EPB41L2: variants seen among roughly 807,000 people sequenced by gnomAD.
EPB41L2 encodes the protein erythrocyte membrane protein band 4.1 like 2, also known as band 4.1-like protein 2.
Under a neutral mutation model 113.0 loss-of-function variants are expected in EPB41L2, and 43 were observed. The ratio of observed to expected loss-of-function variants is 0.38; its 90% CI spans 0.30 to 0.49. The LOEUF (loss-of-function observed/expected upper bound fraction) is 0.49, where lower values mean the gene tolerates loss of function less well. Ranked by LOEUF, EPB41L2 falls within the 20% of genes least tolerant of loss-of-function variation. The pLI is 0.95. For missense variants in EPB41L2, 1,147 were observed against 1,223.4 expected, an observed-to-expected ratio of 0.94 and a Z score of 0.93; for synonymous variants, 442 against 436.7, an observed-to-expected ratio of 1.01 and a Z score of -0.15.
intron 3 of EPB41L2, among the ~76,000 whole-genome samples, chr6:130,928,192 G>A (rs140940368): frequency 1.0e-3 from 156 of 152,248 alleles, no homozygotes; most frequent in Non-Finnish European, 1.7e-3. Flanking sequence ...TTAAATTACT[G>A]AGCATGTTTA....
intron 1 of EPB41L2, among the ~76,000 whole-genome samples, chr6:131,035,592 T>C (rs1793133782): frequency 6.6e-6 from 1 of 152,230 alleles, no homozygotes; most frequent in African/African-American, 2.4e-5. Context: ...GACCTATTTA[T>C]TGTTATCCAG....
At chr6:130,968,691 A>T (rs1775960455) in intron 1 of EPB41L2, among the ~76,000 whole-genome samples, 1 of 151,780 alleles carries the variant, frequency 6.6e-6, no homozygotes, top group Non-Finnish European at 1.5e-5. Flanking sequence ...CTGTAACTAC[A>T]ATGGAATTAC....
intron 1 of EPB41L2, among the ~76,000 whole-genome samples, chr6:130,998,970 C>A (rs891568293): frequency 3.3e-5 from 5 of 152,148 alleles, no homozygotes; most frequent in African/African-American, 1.2e-4. Flanking sequence ...AGCCTTTCTA[C>A]TCAGTTCTGC....
chr6:130,973,241 T>C (rs1035431449), intron 1 of EPB41L2, among the ~76,000 whole-genome samples: 2 of 150,722 alleles, frequency 1.3e-5, no homozygotes, highest in African/African-American at 4.9e-5. Flanking sequence ...TGAAGAGATA[T>C]TCATCTTTGT....
rs2128496854 is a variant in EPB41L2 at position 130,901,144 on chromosome 6, G to A, written c.966C>T (p.Ala322=). The A allele has an allele frequency of 6.2e-7, 1 of 1,613,992 alleles. No individual in the cohort carries two copies. Among genetic ancestry groups the A allele is most frequent in the Non-Finnish European group, 8.5e-7 (1 of 1,179,996 alleles). The change falls in exon 7 of 20, where the codon GCC becomes GCT. Residue 322 remains alanine, a synonymous_variant. Transcript: ENST00000337057. ...CAAAAGAGCAGGGCAGGCGGCCAGA[G>A]GCAATGTCCTGCCGGAGCTGAAGGC... is the stretch of plus-strand genomic sequence containing the variant. The part of the protein sequence containing the change: ...FLCLQLRQDI[A]SGRLPCSFVT...
chr6:131,043,068 G>A (rs970593690), intron 1 of EPB41L2, among the ~76,000 whole-genome samples: 1 of 152,168 alleles, frequency 6.6e-6, no homozygotes. Context: ...AGAGGCCGAG[G>A]CAGGCAGATT....
In EPB41L2 at chr6:130,840,175, C is replaced by A. The variant is rs556145443; in HGVS notation, c.*429G>T. On this transcript the variant is annotated 3_prime_UTR_variant, in exon 20 of 20. Coordinates refer to ENST00000337057, the MANE Select transcript of EPB41L2 (RefSeq NM_001431.4). ...AATCCAGAAGAAGGAAAGCCACTAT[C>A]TAAATTAGTCACAGAGTTTCCTTTC... 9 of 152,686 alleles carry A rather than the reference C, an allele frequency of 5.9e-5. No individual in the cohort carries two copies. Among genetic ancestry groups the A allele is most frequent in the African/African-American group, 1.9e-4 (8 of 41,570 alleles). 9.5% of individuals were successfully genotyped at this position (152,686 alleles called of 1,614,324 possible). A position where few individuals can be genotyped will look rare whatever the true frequency, so the allele number is the denominator to read the frequency against.
At chr6:130,950,900 G>A (rs1562565693) in intron 3 of EPB41L2, among the ~76,000 whole-genome samples, 1 of 152,064 alleles carries the variant, frequency 6.6e-6, no homozygotes, top group Non-Finnish European at 1.5e-5. Context: ...CTTAGTTGAT[G>A]CAAAAAATAC....
chr6:130,987,068 T>C (rs1780729802), intron 1 of EPB41L2, among the ~76,000 whole-genome samples: 1 of 152,214 alleles, frequency 6.6e-6, no homozygotes, highest in Admixed American at 6.5e-5. Flanking sequence ...TTCCTTCATC[T>C]GTATGCCCCA....
At chr6:130,908,556 C>T (rs1798392753) in intron 5 of EPB41L2, among the ~76,000 whole-genome samples, 2 of 152,130 alleles carry the variant, frequency 1.3e-5, no homozygotes, top group South Asian at 4.1e-4. Context: ...GTTTCTCTTT[C>T]TTTCCCAGAA....
intron 1 of EPB41L2, among the ~76,000 whole-genome samples, chr6:130,971,113 T>C (rs950072268): frequency 6.6e-6 from 1 of 152,130 alleles, no homozygotes; most frequent in Non-Finnish European, 1.5e-5. Flanking sequence ...ACCAGGCTGA[T>C]CTCCAACTCC....
At position 130,900,065 on chromosome 6, in the gene EPB41L2, C is replaced by T. The variant is rs1795871874; in HGVS notation, c.1149-487G>A. 3.3e-5 allele frequency among the ~76,000 whole-genome samples: 5 copies of T among 152,250 alleles called. 1 individual carries two copies. The South Asian group carries it at 1.0e-3, about 32-fold the overall frequency. ...AATTATTTCCATTCCTATCTATATA[C>T]CCAACTAAGTAAACTTTAAGCTCCT... is the stretch of plus-strand genomic sequence containing the variant. On this transcript the variant is annotated intron_variant, in intron 7 of 19. Coordinates refer to ENST00000337057, the MANE Select transcript of EPB41L2 (RefSeq NM_001431.4).
At chr6:131,013,087 A>G (rs990988748) in intron 1 of EPB41L2, among the ~76,000 whole-genome samples, 4 of 152,242 alleles carry the variant, frequency 2.6e-5, no homozygotes, top group Non-Finnish European at 4.4e-5. Context: ...ATGTAAGAAC[A>G]TGAGCACAGT....
intron 4 of EPB41L2, among the ~76,000 whole-genome samples, chr6:130,916,301 T>A (rs1801066862): frequency 2.6e-5 from 4 of 152,356 alleles, no homozygotes; most frequent in Admixed American, 2.6e-4. Context: ...TTACTCTTTA[T>A]TTGCCACAAA....
At chr6:131,048,161 A>AG (rs1562797678) in intron 1 of EPB41L2, among the ~76,000 whole-genome samples, 2 of 144,180 alleles carry the variant, frequency 1.4e-5, no homozygotes, top group African/African-American at 2.6e-5. Context: ...AAAAAAAGAA[A>AG]AAAAGAAAAG....
intron 1 of EPB41L2, among the ~76,000 whole-genome samples, chr6:130,989,556 T>C (rs12196734): frequency 0.15 from 22,710 of 152,160 alleles, 2,357 homozygotes; most frequent in East Asian, 0.44. Context: ...GTTTGAGGTC[T>C]GCTCTATACT....
intron 1 of EPB41L2, among the ~76,000 whole-genome samples, chr6:131,055,166 TCTG>T (rs1247857679): frequency 6.6e-6 from 1 of 152,154 alleles, no homozygotes; most frequent in Non-Finnish European, 1.5e-5. Context: ...AGGGCACTGG[TCTG>T]CTGCTTTTTT....
At chr6:130,849,192 G>A (rs1052711776) in intron 19 of EPB41L2, among the ~76,000 whole-genome samples, 8 of 152,158 alleles carry the variant, frequency 5.3e-5, no homozygotes, top group African/African-American at 1.9e-4. Flanking sequence ...CACCTACTAA[G>A]CTCCAGCATA....
At chr6:130,857,206 T>A (rs1001116085) in intron 19 of EPB41L2, among the ~76,000 whole-genome samples, 7 of 152,168 alleles carry the variant, frequency 4.6e-5, no homozygotes, top group Admixed American at 3.9e-4. Flanking sequence ...AAAACATAAG[T>A]TTTGCCAAAT....
Sources: gnomAD v4.1 joint callset for allele counts (sites outside exome capture counted in the v4.1 genomes callset) on GRCh38, gnomAD v4.1.1 for gene constraint, MANE v1.5 for transcripts, NCBI Gene and HGNC (gene_info 2026-07-23, HGNC 2026-07-21) for gene names.